Variants in CADPS observed in about 807,000 individuals in gnomAD.
CADPS encodes calcium-dependent secretion activator 1.
Under a neutral mutation model 167.3 loss-of-function variants are expected in CADPS, and 57 were observed. The ratio of observed to expected loss-of-function variants is 0.34; its 90% CI spans 0.28 to 0.42. The LOEUF (loss-of-function observed/expected upper bound fraction) is 0.42. CADPS is among the 20% of genes least tolerant of loss of function. The pLI is 1.00. For synonymous variants in CADPS, 676 were observed against 635.3 expected, an observed-to-expected ratio of 1.06 and a Z score of -0.96; for missense variants, 1,414 against 1,738.1, an observed-to-expected ratio of 0.81 and a Z score of 3.32.
chr3:62,579,331 A>G (rs2082930570), intron 8 of CADPS, among the ~76,000 whole-genome samples: 1 of 152,190 alleles, frequency 6.6e-6, no homozygotes, highest in Non-Finnish European at 1.5e-5. Context: ...TCACTTATTC[A>G]TCTAAACAAT....
At chr3:62,760,172 C>G (rs1019003887) in intron 2 of CADPS, among the ~76,000 whole-genome samples, 1 of 152,056 alleles carries the variant, frequency 6.6e-6, no homozygotes, top group Non-Finnish European at 1.5e-5. Flanking sequence ...ATATGGACAC[C>G]ATACCACCAT....
At chr3:62,450,015 T>C (rs115373386) in intron 26 of CADPS, among the ~76,000 whole-genome samples, 3,619 of 152,302 alleles carry the variant, frequency 0.024, 67 homozygotes, top group Non-Finnish European at 0.035. Flanking sequence ...GTAGCTGTGC[T>C]TATCATCATT....
At chr3:62,632,001 C>A (rs1279665299) in intron 6 of CADPS, among the ~76,000 whole-genome samples, 4 of 152,144 alleles carry the variant, frequency 2.6e-5, no homozygotes, top group Non-Finnish European at 5.9e-5. Flanking sequence ...GGGGCAATGC[C>A]AATAATGAAA....
At position 62,417,713 on chromosome 3, in the gene CADPS, T is replaced by A. The variant is rs190905277; in HGVS notation, c.3778-14528A>T. On this transcript the variant is annotated intron_variant, in intron 28 of 29. Coordinates refer to ENST00000383710, the MANE Select transcript of CADPS (RefSeq NM_003716.4). ...ATATTGCAATGACTCACAGCTGTAATCCCAGCACTTTGGGAGGCTGAGGCA... is the reference window on the plus strand; with the variant it reads ...ATATTGCAATGACTCACAGCTGTAAACCCAGCACTTTGGGAGGCTGAGGCA... 3.1e-3 allele frequency among the ~76,000 whole-genome samples: 474 copies of A among 152,136 alleles called. 7 individuals are homozygous for A. Among genetic ancestry groups the A allele is most frequent in the Admixed American group, 0.03 (461 of 15,288 alleles).
At chr3:62,524,996 A>G (rs1245091616) in intron 13 of CADPS, among the ~76,000 whole-genome samples, 2 of 152,188 alleles carry the variant, frequency 1.3e-5, no homozygotes, top group Non-Finnish European at 2.9e-5. Context: ...TGGTCAGACC[A>G]GTAGTATGTG....
Position 62,458,711 on chromosome 3 carries a change from A to G in CADPS, c.3636+6656T>C, listed in dbSNP as rs2058989675. On this transcript the variant is annotated intron_variant, in intron 26 of 29. Coordinates refer to ENST00000383710, the MANE Select transcript of CADPS (RefSeq NM_003716.4). The surrounding 1 kb of genome is among the most constrained non-coding windows in gnomAD (Gnocchi z 4.6). ...ACCATGTTGGCCAGGCTGGTCTCAA[A>G]TTCCTGACCTCAGGTGATCCACTCA... is the stretch of plus-strand genomic sequence containing the variant. Among the ~76,000 whole-genome samples, 1 of 152,088 alleles carries G rather than the reference A, an allele frequency of 6.6e-6. No individual in the cohort carries two copies. The highest frequency in any genetic ancestry group is 2.4e-5 in the African/African-American group (1 of 41,410).
intron 1 of CADPS, among the ~76,000 whole-genome samples, chr3:62,787,173 T>C (rs1469836929): frequency 1.3e-5 from 2 of 152,036 alleles, no homozygotes; most frequent in Non-Finnish European, 2.9e-5. Flanking sequence ...CATGCACCTG[T>C]GGTCCCACCT....
At chr3:62,459,624 T>C (rs747835162) in intron 26 of CADPS, among the ~76,000 whole-genome samples, 3 of 152,234 alleles carry the variant, frequency 2.0e-5, no homozygotes, top group Non-Finnish European at 4.4e-5. Context: ...CCAGATGAGG[T>C]TGGGTCCCTT....
At chr3:62,502,481 G>A (rs1354514372) in intron 17 of CADPS, among the ~76,000 whole-genome samples, 1 of 152,156 alleles carries the variant, frequency 6.6e-6, no homozygotes, top group African/African-American at 2.4e-5. Flanking sequence ...CATGCAAAAT[G>A]TTACGCAACA....
At chr3:62,620,445 T>C (rs1199104925) in intron 6 of CADPS, among the ~76,000 whole-genome samples, 2 of 152,096 alleles carry the variant, frequency 1.3e-5, no homozygotes, top group Non-Finnish European at 2.9e-5. Flanking sequence ...ATGAAAACAA[T>C]AACAATTATA....
At chr3:62,460,624 C>G (rs2059224617) in intron 26 of CADPS, among the ~76,000 whole-genome samples, 1 of 152,188 alleles carries the variant, frequency 6.6e-6, no homozygotes, top group Non-Finnish European at 1.5e-5. Context: ...GGGCTTTAGA[C>G]CCAGGTGGCA....
chr3:62,855,741 A>G (rs2079550899), intron 1 of CADPS, among the ~76,000 whole-genome samples: 4 of 152,092 alleles, frequency 2.6e-5, no homozygotes, highest in East Asian at 1.9e-4. Context: ...GCCTTTATGC[A>G]TGGGTTCGCT....
chr3:62,563,710 A>T (rs1318615902), intron 9 of CADPS, among the ~76,000 whole-genome samples: 4 of 151,904 alleles, frequency 2.6e-5, no homozygotes, highest in African/African-American at 9.7e-5. Flanking sequence ...TTTCCCCCTG[A>T]GTCCCCAAAG....
chr3:62,803,132 C>A (rs75218904), intron 1 of CADPS, among the ~76,000 whole-genome samples: 6 of 152,056 alleles, frequency 3.9e-5, no homozygotes, highest in Middle Eastern at 3.2e-3. Flanking sequence ...GAGAGCTGAA[C>A]CATGCAACTC....
At chr3:62,658,062 G>A (rs535659637) in intron 4 of CADPS, among the ~76,000 whole-genome samples, 68 of 152,278 alleles carry the variant, frequency 4.5e-4, no homozygotes, top group African/African-American at 1.5e-3. Flanking sequence ...GGAACCAGCA[G>A]GGAGTGAAGA....
chr3:62,429,912 A>T (rs942962469), intron 28 of CADPS, among the ~76,000 whole-genome samples: 3 of 152,232 alleles, frequency 2.0e-5, no homozygotes, highest in African/African-American at 7.2e-5. Flanking sequence ...AAAGACACTT[A>T]GCAAAACTCT....
chr3:62,518,533 T>C (rs1208273544), intron 13 of CADPS, among the ~76,000 whole-genome samples: 2 of 152,214 alleles, frequency 1.3e-5, no homozygotes, highest in African/African-American at 4.8e-5. Flanking sequence ...ACTTGTTCTG[T>C]TTGGCTCACA....
chr3:62,453,413 T>C (rs545954449), intron 26 of CADPS, among the ~76,000 whole-genome samples: 2 of 152,338 alleles, frequency 1.3e-5, no homozygotes, highest in Admixed American at 6.5e-5. Flanking sequence ...GCAGGAAGAA[T>C]ATATCTTTCT....
rs2060034066 is a variant in CADPS, at chr3:62,601,951, G to T, written c.1326-9203C>A. On this transcript the variant is annotated intron_variant, in intron 6 of 29. Coordinates refer to ENST00000383710, the MANE Select transcript of CADPS (RefSeq NM_003716.4). The surrounding 1 kb of genome is among the most constrained non-coding windows in gnomAD (Gnocchi z 4.3). ...TGTTCTCTGTGTTTGGGGAGCATCT[G>T]CTTGATCACAGTCGCATCTCTGTTT... Among the ~76,000 whole-genome samples the T allele has an allele frequency of 6.6e-6, 1 of 152,108 alleles. No homozygotes were observed. Among genetic ancestry groups the T allele is most frequent in the South Asian group, 2.1e-4 (1 of 4,818 alleles).
Sources: gnomAD v4.1 joint callset for allele counts (sites outside exome capture counted in the v4.1 genomes callset) on GRCh38, gnomAD v4.1.1 for gene constraint, Gnocchi (gnomAD v3.1) non-coding constraint, MANE v1.5 for transcripts, NCBI Gene and HGNC (gene_info 2026-07-23, HGNC 2026-07-21) for gene names.